Variants in SVEP1 observed in about 807,000 individuals in gnomAD.
SVEP1 encodes sushi, von Willebrand factor type A, EGF and pentraxin domain containing 1.
SVEP1 carries 164 observed loss-of-function variants against 367.3 expected under a neutral mutation model. The ratio of observed to expected loss-of-function variants is 0.45; its 90% CI spans 0.39 to 0.51. SVEP1 has a LOEUF of 0.51. SVEP1 is among the 20% of genes least tolerant of loss of function. The probability of loss-of-function intolerance (pLI) is 0.00; values close to 1 mark genes in which losing one functional copy is unlikely to be tolerated. For missense variants in SVEP1, 4,117 were observed against 4,425.3 expected (o/e 0.93, Z 1.98); for synonymous variants, 1,666 against 1,611.6 (o/e 1.03, Z -0.81).
chr9:110,560,019 C>T (rs1830405622), intron 1 of SVEP1, among the ~76,000 whole-genome samples: 1 of 152,090 alleles, frequency 6.6e-6, no homozygotes, highest in Admixed American at 6.6e-5. Flanking sequence ...CTGACTCATA[C>T]AGTATATAGT....
intron 18 of SVEP1, 22 bp downstream of exon 18, chr9:110,465,843 C>T: frequency 6.2e-7 from 1 of 1,605,158 alleles, no homozygotes. Flanking sequence ...AAAGAAATAT[C>T]AATGTCTAAG....
rs1827400264 is a variant in SVEP1 at position 110,379,356 on chromosome 9, T to A, written c.10399A>T (p.Ile3467Phe). The A allele has an allele frequency of 6.2e-7, 1 of 1,613,536 alleles. No homozygotes were observed. The highest frequency in any genetic ancestry group is 8.5e-7 in the Non-Finnish European group (1 of 1,179,652). The change falls in exon 44 of 48, where the codon ATT (isoleucine) becomes TTT (phenylalanine). Residue 3467 changes from isoleucine (I) to phenylalanine (F), a missense_variant. Physicochemically the swap from Ile to Phe is conservative, Grantham distance 21. This residue lies in a region of SVEP1 where 1,765 missense variants were observed against 1,781.1 expected (regional missense o/e 0.99). Transcript: ENST00000374469. Reference protein sequence around the residue: ...LENGTWTSPPICRAVCRFPCQ... With the variant: ...LENGTWTSPPFCRAVCRFPCQ... ...TCAAATATTTCCTTACCTCTGCAAA[T>A]AGGAGGTGATGTCCATGTTCCATTT...
chr9:110,423,316 G>T (rs1442924693), intron 36 of SVEP1, among the ~76,000 whole-genome samples: 1 of 151,918 alleles, frequency 6.6e-6, no homozygotes, highest in Non-Finnish European at 1.5e-5. Flanking sequence ...AAGATGCAAA[G>T]AACATCTTCA....
At chr9:110,453,201 C>G (rs901568905) in intron 22 of SVEP1, among the ~76,000 whole-genome samples, 1 of 151,816 alleles carries the variant, frequency 6.6e-6, no homozygotes, top group Non-Finnish European at 1.5e-5. Context: ...ATTCAGATAT[C>G]TTTTTAGTAT....
chr9:110,378,763 G>A (rs1176622704), intron 44 of SVEP1, among the ~76,000 whole-genome samples: 1 of 130,544 alleles, frequency 7.7e-6, no homozygotes, highest in African/African-American at 2.8e-5. Flanking sequence ...GACTGTTGTG[G>A]GGTGGGGGGA....
Position 110,499,206 on chromosome 9 carries a change from C to A in SVEP1, c.1516G>T (p.Asp506Tyr). The A allele has an allele frequency of 6.2e-7, 1 of 1,612,956 alleles. No individual in the cohort carries two copies. Among genetic ancestry groups the A allele is most frequent in the Non-Finnish European group, 8.5e-7 (1 of 1,179,378 alleles). ...CAGTTGTGGGGGGATATGATGACATCTTTGGGCATCTGAAAGGTGGAACAG... is the reference window on the plus strand; with the variant it reads ...CAGTTGTGGGGGGATATGATGACATATTTGGGCATCTGAAAGGTGGAACAG... ...RHCSTFQMPK[D>Y]VIISPHNCGK... Residue 506 changes from aspartate (D) to tyrosine (Y), a missense_variant, in exon 7 of 48, where the codon GAT becomes TAT. Physicochemically the swap from Asp to Tyr is radical, Grantham distance 160 (BLOSUM62 -3). Coordinates refer to ENST00000374469, the MANE Select transcript of SVEP1 (RefSeq NM_153366.4).
intron 3 of SVEP1, among the ~76,000 whole-genome samples, chr9:110,529,110 A>G (rs546900263): frequency 1.7e-3 from 253 of 152,218 alleles, no homozygotes; most frequent in Non-Finnish European, 3.0e-3. Flanking sequence ...CAATTTTCCC[A>G]GCACCAGCTA....
At chr9:110,452,098 T>C (rs1443541891) in intron 22 of SVEP1, among the ~76,000 whole-genome samples, 2 of 152,320 alleles carry the variant, frequency 1.3e-5, no homozygotes, top group East Asian at 3.9e-4. Context: ...GTAACACATA[T>C]CTAATAATTT....
At chr9:110,471,659 G>A in intron 15 of SVEP1, 62 bp from the exon 16 acceptor site, 1 of 1,278,186 alleles carries the variant, frequency 7.8e-7, no homozygotes, top group Non-Finnish European at 1.1e-6. Flanking sequence ...GTCATTTGTA[G>A]TTAATTTTTT....
At chr9:110,515,590 G>A (rs1020698176) in intron 3 of SVEP1, among the ~76,000 whole-genome samples, 6 of 152,066 alleles carry the variant, frequency 3.9e-5, no homozygotes, top group Non-Finnish European at 8.8e-5. Context: ...GTGAGCCACC[G>A]CGCCCGGCCT....
intron 36 of SVEP1, among the ~76,000 whole-genome samples, chr9:110,412,687 C>A (rs1486449264): frequency 2.2e-5 from 2 of 89,918 alleles, no homozygotes; most frequent in African/African-American, 1.4e-4. Flanking sequence ...TGAACTTAAA[C>A]AAATTTACAA....
intron 20 of SVEP1, chr9:110,458,225 T>A (rs1242037776): frequency 1.7e-6 from 1 of 595,234 alleles, no homozygotes; most frequent in Non-Finnish European, 3.0e-6. Flanking sequence ...CCCCTGGATC[T>A]ACTCATTCTT....
chr9:110,444,839 C>T (rs1231562567), intron 26 of SVEP1, among the ~76,000 whole-genome samples: 1 of 152,128 alleles, frequency 6.6e-6, no homozygotes, highest in African/African-American at 2.4e-5. Context: ...CAGATTCTCT[C>T]TTTATATATA....
intron 13 of SVEP1, among the ~76,000 whole-genome samples, chr9:110,477,308 C>T (rs147088829): frequency 9.3e-4 from 142 of 152,224 alleles, no homozygotes; most frequent in African/African-American, 3.3e-3. Flanking sequence ...TAAGATTCCA[C>T]GATCCATCAC....
chr9:110,412,711 C>T (rs888809091), intron 36 of SVEP1, among the ~76,000 whole-genome samples: 98 of 152,070 alleles, frequency 6.4e-4, no homozygotes, highest in African/African-American at 2.2e-3. Flanking sequence ...AAAACAAACC[C>T]CATCAAAAAG....
rs987995218 is a variant in SVEP1 at position 110,577,395 on chromosome 9, G to T, written c.531+1618C>A. 2.0e-5 allele frequency among the ~76,000 whole-genome samples: 3 copies of T among 151,716 alleles called. No homozygotes were observed. In the East Asian group the frequency reaches 5.9e-4, roughly 30 times the overall value. ...CAATTAAATTGGAAAAGGACAGATG[G>T]CTATTAAGCAAGTAGTGCTGGGACA... On this transcript the variant is annotated intron_variant, in intron 1 of 47. Coordinates refer to ENST00000374469, the MANE Select transcript of SVEP1 (RefSeq NM_153366.4).
At chr9:110,520,109 T>G (rs1289111580) in intron 3 of SVEP1, among the ~76,000 whole-genome samples, 1 of 152,222 alleles carries the variant, frequency 6.6e-6, no homozygotes, top group Non-Finnish European at 1.5e-5. Context: ...ATCAAGAGTT[T>G]AAAACACTGG....
At chr9:110,495,319 A>G (rs1464871205) in intron 8 of SVEP1, among the ~76,000 whole-genome samples, 1 of 152,198 alleles carries the variant, frequency 6.6e-6, no homozygotes, top group Non-Finnish European at 1.5e-5. Context: ...CTTAGCAGAC[A>G]CGACTAAATT....
At chr9:110,379,914 G>A (rs1011545617) in intron 43 of SVEP1, among the ~76,000 whole-genome samples, 3 of 152,168 alleles carry the variant, frequency 2.0e-5, no homozygotes, top group African/African-American at 7.2e-5. Flanking sequence ...ATTAATTGTA[G>A]TACTGCATAT....
Sources: gnomAD v4.1 joint callset for allele counts (sites outside exome capture counted in the v4.1 genomes callset) on GRCh38, gnomAD v4.1.1 for gene constraint, gnomAD v4.1.1 regional missense constraint, MANE v1.5 for transcripts, NCBI Gene and HGNC (gene_info 2026-07-23, HGNC 2026-07-21) for gene names.